Variants in PPP3CB observed in about 807,000 individuals in gnomAD.
PPP3CB encodes serine/threonine-protein phosphatase 2B catalytic subunit beta isoform.
A neutral mutation model predicts 66.4 loss-of-function variants in PPP3CB; 8 were observed. The ratio of observed to expected loss-of-function variants is 0.12; its 90% CI spans 0.07 to 0.22. PPP3CB has a LOEUF of 0.22. Among genes scored for constraint, PPP3CB ranks in the 10% least tolerant of loss-of-function variants. The pLI is 1.00. For missense variants in PPP3CB, 319 were observed against 642.5 expected, an observed-to-expected ratio of 0.50 and a Z score of 5.44; for synonymous variants, 208 against 221.2, an observed-to-expected ratio of 0.94 and a Z score of 0.53.
intron 1 of PPP3CB, among the ~76,000 whole-genome samples, chr10:73,487,970 G>A (rs145801684): frequency 0.044 from 6,605 of 151,732 alleles, 446 homozygotes; most frequent in African/African-American, 0.14. Flanking sequence ...TAATAGAGAC[G>A]GGGTTTCACC....
intron 3 of PPP3CB, 58 bp downstream of exon 3, chr10:73,478,436 ATTAAG>A: frequency 6.9e-7 from 1 of 1,459,040 alleles, no homozygotes; most frequent in South Asian, 1.3e-5. Flanking sequence ...GAAAACTAGG[ATTAAG>A]TGAAAGCATC....
intron 3 of PPP3CB, 115 bp from the exon 4 acceptor site, chr10:73,475,145 C>G: frequency 7.6e-7 from 1 of 1,316,646 alleles, no homozygotes; most frequent in East Asian, 2.8e-5. Context: ...CTTTCTTTGT[C>G]CCTTACTAAA....
rs1446024145 is a variant in PPP3CB at position 73,475,142 on chromosome 10, T to C, written c.412-112A>G. The C allele has an allele frequency of 2.3e-6, 3 of 1,326,820 alleles. No individual in the cohort carries two copies. In the East Asian group the frequency reaches 8.3e-5, roughly 37 times the overall value. The allele number at this position is 1,326,820 out of a possible 1,614,324, so 82.2% of individuals were successfully genotyped here. ...CTTACCATCCTCTATTATCTTTCTT[T>C]GTCCCTTACTAAAATATAAGCACCA... is the stretch of plus-strand genomic sequence containing the variant. On this transcript the variant is annotated intron_variant, in intron 3 of 13. Transcript: ENST00000360663.
At chr10:73,456,117 G>T (rs188602197) in intron 9 of PPP3CB, among the ~76,000 whole-genome samples, 57 of 152,266 alleles carry the variant, frequency 3.7e-4, no homozygotes, top group Middle Eastern at 6.8e-3. Flanking sequence ...AAGGCACCTA[G>T]AAATGAACAT....
chr10:73,487,101 C>T (rs1285218692), intron 1 of PPP3CB, among the ~76,000 whole-genome samples: 1 of 152,156 alleles, frequency 6.6e-6, no homozygotes, highest in Admixed American at 6.6e-5. Context: ...ACCTTGGAAG[C>T]AGAGGTTGTA....
chr10:73,494,289 T>A (rs182218932), intron 1 of PPP3CB, among the ~76,000 whole-genome samples: 77 of 152,164 alleles, frequency 5.1e-4, no homozygotes, highest in African/African-American at 1.7e-3. Context: ...TGTTTTTGTT[T>A]TTGTTTTTGT....
At chr10:73,452,493 C>T (rs190973657) in intron 10 of PPP3CB, among the ~76,000 whole-genome samples, 35 of 152,060 alleles carry the variant, frequency 2.3e-4, no homozygotes, top group South Asian at 6.2e-4. Context: ...GTCAGGAGTT[C>T]GAGACAAGTT....
intron 10 of PPP3CB, among the ~76,000 whole-genome samples, chr10:73,448,229 T>G (rs1410201428): frequency 6.6e-6 from 1 of 152,166 alleles, no homozygotes; most frequent in African/African-American, 2.4e-5. Context: ...ATGTAAACTA[T>G]ACTGATATCA....
intron 1 of PPP3CB, among the ~76,000 whole-genome samples, chr10:73,494,836 C>G (rs983285246): frequency 6.6e-6 from 1 of 152,124 alleles, no homozygotes; most frequent in Non-Finnish European, 1.5e-5. Flanking sequence ...GTTCATTCTA[C>G]GATTTCAATT....
intron 1 of PPP3CB, among the ~76,000 whole-genome samples, chr10:73,485,950 G>GTA (rs564435186): frequency 0.07 from 8,649 of 124,410 alleles, 964 homozygotes; most frequent in Middle Eastern, 0.093. Context: ...GTGTGTGTGT[G>GTA]TATTTTTTTT....
intron 1 of PPP3CB, among the ~76,000 whole-genome samples, chr10:73,483,122 G>A (rs1156574543): frequency 6.6e-6 from 1 of 152,158 alleles, no homozygotes; most frequent in Non-Finnish European, 1.5e-5. Context: ...GTATTCACCT[G>A]AAAAAGAAAG....
chr10:73,485,908 TTGTGTG>T lies in PPP3CB; in HGVS notation c.86-6397_86-6392del, dbSNP rs57190155. On this transcript the variant is annotated intron_variant, in intron 1 of 13. Transcript: ENST00000360663. ...GGCACACACCACCACACCTGGCTAA[TTGTGTG>T]TGTGTGTGTGTGTGTGTGTGTGTGT... Among the ~76,000 whole-genome samples, 861 of 121,302 alleles carry T rather than the reference TTGTGTG, an allele frequency of 7.1e-3. 6 individuals are homozygous for T. Among genetic ancestry groups the T allele is most frequent in the South Asian group, 0.022 (69 of 3,166 alleles). 79.6% of individuals were successfully genotyped at this position (121,302 alleles called of 152,430 possible). A position where few individuals can be genotyped will look rare whatever the true frequency, so the allele number is the denominator to read the frequency against.
intron 9 of PPP3CB, among the ~76,000 whole-genome samples, chr10:73,457,613 C>T (rs988029605): frequency 6.6e-6 from 1 of 151,882 alleles, no homozygotes; most frequent in African/African-American, 2.4e-5. Flanking sequence ...TGGCACATGC[C>T]TGTAATCCCA....
chr10:73,460,265 C>CAAAAAAAAAAAAAAAAAAAAAAAAAA (rs11447229), intron 9 of PPP3CB, among the ~76,000 whole-genome samples: 3 of 35,824 alleles, frequency 8.4e-5, no homozygotes, highest in Non-Finnish European at 1.2e-4. Flanking sequence ...AAAGTAATAG[C>CAAAAAAAAAAAAAAAAAAAAAAAAAA]AAAAAAAAAA....
intron 10 of PPP3CB, among the ~76,000 whole-genome samples, chr10:73,448,493 A>G (rs555379171): frequency 2.0e-5 from 3 of 152,236 alleles, no homozygotes; most frequent in Non-Finnish European, 4.4e-5. Flanking sequence ...ATCTTGGAAT[A>G]TGACTTCTAA....
chr10:73,453,787 T>A (rs2056381467), intron 10 of PPP3CB, among the ~76,000 whole-genome samples: 1 of 152,232 alleles, frequency 6.6e-6, no homozygotes, highest in African/African-American at 2.4e-5. Context: ...TAATAAAGTT[T>A]TAAATAAAAA....
At chr10:73,483,918 C>T (rs909131267) in intron 1 of PPP3CB, among the ~76,000 whole-genome samples, 2 of 151,916 alleles carry the variant, frequency 1.3e-5, no homozygotes, top group African/African-American at 4.8e-5. Flanking sequence ...CCAAGGCAGG[C>T]AGATCACTTG....
chr10:73,473,337 C>T (rs773674797), intron 4 of PPP3CB, among the ~76,000 whole-genome samples: 7 of 152,100 alleles, frequency 4.6e-5, no homozygotes, highest in Non-Finnish European at 7.3e-5. Context: ...CTACTTAATA[C>T]AGTCATAAAT....
At chr10:73,485,689 T>A (rs952287749) in intron 1 of PPP3CB, among the ~76,000 whole-genome samples, 1 of 152,154 alleles carries the variant, frequency 6.6e-6, no homozygotes, top group African/African-American at 2.4e-5. Context: ...GCCTTCAGAA[T>A]TCCTATTATA....
Sources: gnomAD v4.1 joint callset for allele counts (sites outside exome capture counted in the v4.1 genomes callset) on GRCh38, gnomAD v4.1.1 for gene constraint, MANE v1.5 for transcripts, NCBI Gene and HGNC (gene_info 2026-07-23, HGNC 2026-07-21) for gene names.